Variants in RAC1 observed in about 807,000 individuals in gnomAD.
RAC1 encodes Rac family small GTPase 1, also known as ras-related C3 botulinum toxin substrate 1.
Under a neutral mutation model 25.2 loss-of-function variants are expected in RAC1, and 2 were observed. That is an observed-to-expected ratio of 0.08 (90% CI 0.03 to 0.25). RAC1 has a LOEUF of 0.25. Among genes scored for constraint, RAC1 ranks in the 10% least tolerant of loss-of-function variants. The pLI is 1.00. For synonymous variants in RAC1, 88 were observed against 94.0 expected (o/e 0.94, Z 0.37); for missense variants, 50 against 235.7 (o/e 0.21, Z 5.16).
intron 1 of RAC1, among the ~76,000 whole-genome samples, chr7:6,378,830 G>A (rs1437003990): frequency 6.6e-6 from 1 of 152,092 alleles, no homozygotes; most frequent in African/African-American, 2.4e-5. Flanking sequence ...GCTCATGCCT[G>A]TAATCCCAGA....
At chr7:6,386,689 C>T (rs764941921) in intron 1 of RAC1, among the ~76,000 whole-genome samples, 36 of 149,378 alleles carry the variant, frequency 2.4e-4, no homozygotes, top group Admixed American at 3.4e-4. Context: ...GAGGCTGAGG[C>T]AGGAGAATCG....
chr7:6,381,324 A>G (rs10499344), intron 1 of RAC1, among the ~76,000 whole-genome samples: 24,090 of 151,740 alleles, frequency 0.16, 2,187 homozygotes, highest in Admixed American at 0.23. Flanking sequence ...TAGTGTCTTC[A>G]GCCTAAGTGA....
intron 1 of RAC1, among the ~76,000 whole-genome samples, chr7:6,383,376 C>T (rs377682533): frequency 2.3e-4 from 35 of 152,250 alleles, no homozygotes; most frequent in African/African-American, 7.7e-4. Flanking sequence ...AATCAGAAGA[C>T]TTAAAGAGGA....
chr7:6,377,141 A>G (rs181889084), intron 1 of RAC1, among the ~76,000 whole-genome samples: 8 of 151,380 alleles, frequency 5.3e-5, no homozygotes, highest in Admixed American at 4.6e-4. Flanking sequence ...GGTTTCTACT[A>G]CTGAGACTCT....
intron 1 of RAC1, among the ~76,000 whole-genome samples, chr7:6,375,157 C>A: frequency 6.6e-6 from 1 of 152,230 alleles, no homozygotes; most frequent in South Asian, 2.1e-4. Flanking sequence ...CCTCTCGATC[C>A]CCTTTTGAGA....
intron 2 of RAC1, among the ~76,000 whole-genome samples, chr7:6,390,908 T>C (rs572929885): frequency 1.3e-5 from 2 of 152,284 alleles, no homozygotes; most frequent in African/African-American, 2.4e-5. Flanking sequence ...TCTTCTTCTT[T>C]TTTCTTGAGA....
chr7:6,396,177 G>A lies in RAC1; in HGVS notation c.226-3949G>A, dbSNP rs35949099. Among the ~76,000 whole-genome samples the A allele has an allele frequency of 4.7e-3, 713 of 152,320 alleles. 2 individuals are homozygous for A. Among genetic ancestry groups the A allele is most frequent in the African/African-American group, 0.017 (689 of 41,566 alleles). ...AGGCCGGTGACCGGAGACAGCCTGA[G>A]GCTCCAGAACACACAAGTGACCTGT... is the stretch of plus-strand genomic sequence containing the variant. On this transcript the variant is annotated intron_variant, in intron 3 of 5. Coordinates refer to ENST00000348035, the MANE Select transcript of RAC1 (RefSeq NM_006908.5).
chr7:6,389,203 CA>C (rs5882093), intron 2 of RAC1, among the ~76,000 whole-genome samples: 4,907 of 138,634 alleles, frequency 0.035, 94 homozygotes, highest in Non-Finnish European at 0.056. Flanking sequence ...CTCTGTCTCC[CA>C]AAAAAAAAAA....
At chr7:6,382,498 CTT>C (rs1030920805) in intron 1 of RAC1, among the ~76,000 whole-genome samples, 11 of 152,232 alleles carry the variant, frequency 7.2e-5, no homozygotes, top group African/African-American at 2.4e-4. Flanking sequence ...GTTGATTGTG[CTT>C]TTAAGTTTTG....
intron 1 of RAC1, 152 bp downstream of exon 1, chr7:6,374,922 G>GGCGC (rs1782536546): frequency 8.6e-6 from 5 of 582,940 alleles, no homozygotes; most frequent in Non-Finnish European, 1.1e-5. Context: ...GCCGCGGGCG[G>GGCGC]GCGCCCCCAC....
chr7:6,400,039 G>A, intron 3 of RAC1, 87 bp from the exon 4 acceptor site: 1 of 1,204,856 alleles, frequency 8.3e-7, no homozygotes, highest in Non-Finnish European at 1.2e-6. Context: ...CGTCCAACAA[G>A]TCCTTCCCAG....
At chr7:6,388,016 G>T (rs1029888875) in intron 2 of RAC1, among the ~76,000 whole-genome samples, 1 of 152,132 alleles carries the variant, frequency 6.6e-6, no homozygotes, top group East Asian at 1.9e-4. Flanking sequence ...TTACATGTCC[G>T]CATTGAGGTG....
At chr7:6,386,809 A>G (rs897416363) in intron 1 of RAC1, among the ~76,000 whole-genome samples, 1 of 151,694 alleles carries the variant, frequency 6.6e-6, no homozygotes, top group Non-Finnish European at 1.5e-5. Flanking sequence ...AAAAAAGAAA[A>G]AAAAGAAAAA....
chr7:6,402,741 T>A lies in RAC1; in HGVS notation c.*295T>A, dbSNP rs1014963656. ...TTCAAAAGCGCCCCCCCCATTCTTG[T>A]TCAGATTAAGAGTTGCCAAAATACC... is the stretch of plus-strand genomic sequence containing the variant. On this transcript the variant is annotated 3_prime_UTR_variant, in exon 6 of 6. Transcript: ENST00000348035. 2.2e-5 allele frequency: 6 copies of A among 270,698 alleles called. No homozygotes were observed. Among genetic ancestry groups the A allele is most frequent in the African/African-American group, 2.2e-5 (1 of 45,400 alleles). 16.8% of individuals were successfully genotyped at this position (270,698 alleles called of 1,614,324 possible). A position where few individuals can be genotyped will look rare whatever the true frequency, so the allele number is the denominator to read the frequency against.
intron 1 of RAC1, among the ~76,000 whole-genome samples, chr7:6,380,923 C>CA (rs1466609580): frequency 6.6e-6 from 1 of 152,148 alleles, no homozygotes; most frequent in Non-Finnish European, 1.5e-5. Context: ...GGCTGGAGTG[C>CA]AATGGCATGA....
In RAC1 at chr7:6,376,780, T is replaced by TA. The variant is rs1491391236; in HGVS notation, c.35+2010_35+2011insA. ...CAAGTGATCCGCCCGCCTCGGCCTGTTTTTTTTTTTTTTTTTTTTTAAGTC... is the reference window on the plus strand; with the variant it reads ...CAAGTGATCCGCCCGCCTCGGCCTGTATTTTTTTTTTTTTTTTTTTTAAGTC... On this transcript the variant is annotated intron_variant, in intron 1 of 5. Transcript: ENST00000348035. Among the ~76,000 whole-genome samples, 30 of 3,078 alleles carry TA rather than the reference T, an allele frequency of 9.7e-3. No homozygotes were observed. In the South Asian group the frequency reaches 0.38, roughly 39 times the overall value. 2.0% of individuals were successfully genotyped at this position (3,078 alleles called of 152,430 possible).
intron 2 of RAC1, among the ~76,000 whole-genome samples, chr7:6,389,528 A>C (rs1319639172): frequency 6.6e-6 from 1 of 151,936 alleles, no homozygotes; most frequent in Non-Finnish European, 1.5e-5. Flanking sequence ...AAAAATACAA[A>C]AATTAGCTGG....
In RAC1 at chr7:6,380,249, C is replaced by T. The variant is rs556626648; in HGVS notation, c.35+5479C>T. ...AAGGCATGGGGTTTCATATTTTTGA[C>T]CTGTGGTAAAGGTATTTGAATTCTG... On this transcript the variant is annotated intron_variant, in intron 1 of 5. Coordinates refer to ENST00000348035, the MANE Select transcript of RAC1 (RefSeq NM_006908.5). 3.3e-5 allele frequency among the ~76,000 whole-genome samples: 5 copies of T among 152,178 alleles called. No individual in the cohort carries two copies. In the East Asian group the frequency reaches 9.6e-4, roughly 29 times the overall value.
intron 4 of RAC1, among the ~76,000 whole-genome samples, chr7:6,400,633 A>C (rs970782458): frequency 6.6e-6 from 1 of 152,004 alleles, no homozygotes; most frequent in Admixed American, 6.6e-5. Flanking sequence ...GCCCATCAGC[A>C]GTTTATTTTA....
Sources: gnomAD v4.1 joint callset for allele counts (sites outside exome capture counted in the v4.1 genomes callset) on GRCh38, gnomAD v4.1.1 for gene constraint, MANE v1.5 for transcripts, NCBI Gene and HGNC (gene_info 2026-07-23, HGNC 2026-07-21) for gene names.